MAST4: variants seen among roughly 807,000 people sequenced by gnomAD.
MAST4 encodes microtubule-associated serine/threonine-protein kinase 4.
In MAST4, 89 loss-of-function variants were observed where a neutral mutation model predicts 162.7. That is an observed-to-expected ratio of 0.55 (90% CI 0.46 to 0.65). The LOEUF (loss-of-function observed/expected upper bound fraction) is 0.65. Ranked by LOEUF, MAST4 falls within the 30% of genes least tolerant of loss-of-function variation. The pLI is 0.00. For synonymous variants in MAST4, 1,479 were observed against 1,361.1 expected (o/e 1.09, Z -1.91); for missense variants, 3,153 against 3,374.0 (o/e 0.93, Z 1.62).
chr5:66,955,251 T>TC (rs1018085526), intron 4 of MAST4, among the ~76,000 whole-genome samples: 9 of 150,588 alleles, frequency 6.0e-5, no homozygotes, highest in South Asian at 2.1e-4. Flanking sequence ...GAGGGAGCCT[T>TC]GTGTTTTCAA....
chr5:67,049,063 A>G (rs372594773), intron 4 of MAST4, among the ~76,000 whole-genome samples: 1,464 of 98,348 alleles, frequency 0.015, 122 homozygotes, highest in African/African-American at 0.054. Context: ...ATATATACGT[A>G]TATATATATA....
At chr5:66,893,938 C>A (rs1232851014) in intron 3 of MAST4, among the ~76,000 whole-genome samples, 1 of 152,186 alleles carries the variant, frequency 6.6e-6, no homozygotes, top group African/African-American at 2.4e-5. Flanking sequence ...CTCAGAAATG[C>A]AGACCAGAAA....
chr5:67,079,721 C>T (rs566982254), intron 5 of MAST4, among the ~76,000 whole-genome samples: 16 of 152,326 alleles, frequency 1.1e-4, no homozygotes, highest in African/African-American at 3.8e-4. Flanking sequence ...TCATTTTCCT[C>T]TGCCTCAAAG....
chr5:66,964,966 A>G (rs1746514674), intron 4 of MAST4, among the ~76,000 whole-genome samples: 1 of 152,238 alleles, frequency 6.6e-6, no homozygotes, highest in Non-Finnish European at 1.5e-5. Flanking sequence ...CAAGCTTTAG[A>G]TGATATCAGT....
chr5:66,751,324 G>A (rs2149593630), intron 1 of MAST4, among the ~76,000 whole-genome samples: 1 of 152,314 alleles, frequency 6.6e-6, no homozygotes, highest in South Asian at 2.1e-4. Flanking sequence ...GAGAGAAGAA[G>A]GCTTCAGACA....
At chr5:66,871,246 T>TA (rs1219654733) in intron 3 of MAST4, among the ~76,000 whole-genome samples, 1 of 152,196 alleles carries the variant, frequency 6.6e-6, no homozygotes, top group Middle Eastern at 3.2e-3. Flanking sequence ...TAAACCCTCT[T>TA]AAAATGTAGC....
At chr5:67,003,001 A>G (rs976664942) in intron 4 of MAST4, among the ~76,000 whole-genome samples, 5 of 150,738 alleles carry the variant, frequency 3.3e-5, no homozygotes, top group African/African-American at 1.2e-4. Flanking sequence ...CCAATGCTCA[A>G]GAAAGCTCCT....
At chr5:66,993,629 A>G (rs1476883706) in intron 4 of MAST4, among the ~76,000 whole-genome samples, 1 of 152,196 alleles carries the variant, frequency 6.6e-6, no homozygotes, top group Non-Finnish European at 1.5e-5. Flanking sequence ...TGGAAATTCT[A>G]GGAAGAGGAA....
At chr5:66,627,614 T>A in intron 1 of MAST4, among the ~76,000 whole-genome samples, 1 of 152,186 alleles carries the variant, frequency 6.6e-6, no homozygotes, top group East Asian at 1.9e-4. Context: ...TTTGGGCATC[T>A]GTGACCTGCA....
intron 1 of MAST4, among the ~76,000 whole-genome samples, chr5:66,730,175 T>C (rs1162240742): frequency 1.3e-5 from 2 of 152,190 alleles, no homozygotes; most frequent in Non-Finnish European, 2.9e-5. Context: ...TCATTTGGAT[T>C]GAAAGACTAG....
intron 4 of MAST4, among the ~76,000 whole-genome samples, chr5:66,988,499 G>A (rs1271961786): frequency 1.3e-5 from 2 of 152,168 alleles, no homozygotes; most frequent in Admixed American, 1.3e-4. Context: ...TGGAATATTA[G>A]ACACTGTTTT....
At chr5:67,004,602 C>T (rs1466416875) in intron 4 of MAST4, 1 of 169,772 alleles carries the variant, frequency 5.9e-6, no homozygotes, top group Non-Finnish European at 1.3e-5. Flanking sequence ...CTCGCAGAAG[C>T]GGCGAGTGGT....
At chr5:66,639,278 T>TTGTGTGTGTGTGTG (rs70987132) in intron 1 of MAST4, among the ~76,000 whole-genome samples, 12,501 of 138,492 alleles carry the variant, frequency 0.09, 665 homozygotes, top group Admixed American at 0.14. Context: ...GAGAGGCAGC[T>TTGTGTGTGTGTGTG]TGTGTGTGTG....
chr5:66,718,264 TG>T (rs1440036564), intron 1 of MAST4, among the ~76,000 whole-genome samples: 2 of 152,138 alleles, frequency 1.3e-5, no homozygotes, highest in Admixed American at 6.5e-5. Context: ...TTTGTTTTTT[TG>T]TTTTTTTGTT....
intron 4 of MAST4, among the ~76,000 whole-genome samples, chr5:67,044,223 CTT>C (rs748141515): frequency 6.6e-6 from 1 of 152,116 alleles, no homozygotes; most frequent in Non-Finnish European, 1.5e-5. Flanking sequence ...TAATGTGTGT[CTT>C]TGATCTTTGG....
intron 1 of MAST4, among the ~76,000 whole-genome samples, chr5:66,608,770 C>G (rs1224894717): frequency 8.4e-6 from 1 of 118,540 alleles, no homozygotes; most frequent in Non-Finnish European, 1.6e-5. Flanking sequence ...TAGAATAAGT[C>G]TTGTAATAGA....
At chr5:67,003,269 T>C (rs1751495032) in intron 4 of MAST4, among the ~76,000 whole-genome samples, 1 of 152,186 alleles carries the variant, frequency 6.6e-6, no homozygotes. Context: ...CTTCTTTGTC[T>C]ACCTCTGTGG....
Position 67,164,324 on chromosome 5 carries a change from C to A in MAST4, c.5145C>A (p.His1715Gln). 2.5e-6 allele frequency: 4 copies of A among 1,613,916 alleles called. No homozygotes were observed. The highest frequency in any genetic ancestry group is 2.5e-6 in the Non-Finnish European group (3 of 1,179,852). Residue 1715 changes from histidine (H) to glutamine (Q), a missense_variant, in exon 29 of 29, where the codon CAC (histidine) becomes CAA (glutamine). By Grantham distance (24) the His-to-Gln change is conservative. Transcript: ENST00000403625. This position sits in a 1 kb window ranked among gnomAD's most constrained non-coding sequence, Gnocchi z 5.3. ...VLKPKMTAGS[H>Q]ECLPGNPVRP... ...AGCCCAAGATGACAGCTGGCTCCCA[C>A]GAATGCCTGCCAGGGAACCCAGTCC... is the stretch of plus-strand genomic sequence containing the variant.
At chr5:66,703,293 GC>G (rs1182464405) in intron 1 of MAST4, among the ~76,000 whole-genome samples, 2 of 152,162 alleles carry the variant, frequency 1.3e-5, no homozygotes, top group Non-Finnish European at 2.9e-5. Context: ...ACTTTGTGCA[GC>G]ATTTATGGCA....
Sources: allele counts gnomAD v4.1 joint callset (sites outside exome capture counted in the v4.1 genomes callset), GRCh38; gene constraint gnomAD v4.1.1; non-coding constraint Gnocchi (gnomAD v3.1); transcripts MANE v1.5; gene names NCBI Gene and HGNC (gene_info 2026-07-23, HGNC 2026-07-21).